HS3ST4: variants seen among roughly 807,000 people sequenced by gnomAD.
HS3ST4 encodes the protein heparan sulfate-glucosamine 3-sulfotransferase 4, also known as heparan sulfate glucosamine 3-O-sulfotransferase 4.
HS3ST4 carries 17 observed loss-of-function variants against 29.2 expected under a neutral mutation model. The ratio of observed to expected loss-of-function variants is 0.58; its 90% confidence interval spans 0.40 to 0.87. The LOEUF is 0.87. Among genes scored for constraint, HS3ST4 ranks in the 40% least tolerant of loss-of-function variants. HS3ST4 has a pLI of 0.00. For synonymous variants in HS3ST4, 314 were observed against 285.7 expected, an observed-to-expected ratio of 1.10 and a Z score of -1.00; for missense variants, 627 against 634.5, an observed-to-expected ratio of 0.99 and a Z score of 0.13.
At chr16:25,942,123 G>A (rs138392741) in intron 1 of HS3ST4, among the ~76,000 whole-genome samples, 2 of 152,272 alleles carry the variant, frequency 1.3e-5, no homozygotes, top group Non-Finnish European at 2.9e-5. Flanking sequence ...GGGTCTGTTG[G>A]CAGCAAGACA....
chr16:26,074,663 A>T (rs894911943), intron 1 of HS3ST4, among the ~76,000 whole-genome samples: 2 of 150,080 alleles, frequency 1.3e-5, no homozygotes, highest in Admixed American at 6.7e-5. Flanking sequence ...GAATATACAC[A>T]TTTTTTTTTT....
chr16:26,005,973 A>T (rs998201701), intron 1 of HS3ST4, among the ~76,000 whole-genome samples: 1 of 152,120 alleles, frequency 6.6e-6, no homozygotes, highest in Admixed American at 6.6e-5. Context: ...TTTAGAGGAA[A>T]ATCACAACTG....
intron 1 of HS3ST4, among the ~76,000 whole-genome samples, chr16:25,989,460 G>A (rs1428664219): frequency 6.6e-6 from 1 of 152,198 alleles, no homozygotes; most frequent in Non-Finnish European, 1.5e-5. Flanking sequence ...GGAAAGGTCC[G>A]ATGGATTTCC....
intron 1 of HS3ST4, among the ~76,000 whole-genome samples, chr16:25,821,298 C>A (rs1051583508): frequency 1.3e-5 from 2 of 152,034 alleles, no homozygotes; most frequent in African/African-American, 4.8e-5. Flanking sequence ...ACCTCGTGAT[C>A]CACCTGCTTT....
intron 1 of HS3ST4, among the ~76,000 whole-genome samples, chr16:26,105,926 T>G (rs1899049846): frequency 6.6e-6 from 1 of 152,228 alleles, no homozygotes; most frequent in Non-Finnish European, 1.5e-5. Context: ...TTAGATGTTT[T>G]CTACTAGGAC....
At chr16:25,790,391 A>G (rs926911138) in intron 1 of HS3ST4, among the ~76,000 whole-genome samples, 4 of 152,232 alleles carry the variant, frequency 2.6e-5, no homozygotes, top group Non-Finnish European at 5.9e-5. Flanking sequence ...CCCGGGCAAC[A>G]GAGTGAGACG....
intron 1 of HS3ST4, among the ~76,000 whole-genome samples, chr16:25,976,262 A>G (rs78237675): frequency 0.13 from 19,282 of 152,044 alleles, 1,466 homozygotes; most frequent in East Asian, 0.26. Flanking sequence ...TCATTCATGG[A>G]TTGTTGGTTG....
intron 1 of HS3ST4, among the ~76,000 whole-genome samples, chr16:26,075,677 G>T (rs1898653700): frequency 6.6e-6 from 1 of 152,134 alleles, no homozygotes; most frequent in Admixed American, 6.5e-5. Context: ...TTTCTCAGCT[G>T]GCTGGGGTAT....
chr16:25,755,573 G>A (rs904960626), intron 1 of HS3ST4, among the ~76,000 whole-genome samples: 1 of 152,180 alleles, frequency 6.6e-6, no homozygotes. Context: ...GGAAGTAAGA[G>A]GCTGTAGCCT....
chr16:25,740,853 A>T (rs1334287988), intron 1 of HS3ST4, among the ~76,000 whole-genome samples: 3 of 152,174 alleles, frequency 2.0e-5, no homozygotes, highest in Non-Finnish European at 4.4e-5. Flanking sequence ...TACTAAGTGG[A>T]TGGAGTTCCC....
intron 1 of HS3ST4, among the ~76,000 whole-genome samples, chr16:25,796,450 C>A (rs1216513081): frequency 1.3e-5 from 2 of 152,288 alleles, no homozygotes; most frequent in East Asian, 3.9e-4. Flanking sequence ...TTAGAAGAAA[C>A]CGCATGCTCA....
chr16:26,063,607 G>T lies in HS3ST4; in HGVS notation c.735-72005G>T, dbSNP rs540887725. Among the ~76,000 whole-genome samples the T allele has an allele frequency of 2.0e-5, 3 of 152,202 alleles. No individual in the cohort carries two copies. In the East Asian group the frequency reaches 5.8e-4, roughly 29 times the overall value. On this transcript the variant is annotated intron_variant, in intron 1 of 1. Coordinates refer to ENST00000331351, the MANE Select transcript of HS3ST4 (RefSeq NM_006040.3). ...AGCTACTTGGGAGGTTCAGTGGGAG[G>T]AGTGCTTGAGCCTAGGAGTTTGAGG...
At chr16:26,041,781 C>A (rs368773180) in intron 1 of HS3ST4, among the ~76,000 whole-genome samples, 1 of 152,170 alleles carries the variant, frequency 6.6e-6, no homozygotes, top group South Asian at 2.1e-4. Flanking sequence ...GCCAATAGCA[C>A]CCAAGAGTTT....
At chr16:25,821,248 G>A (rs562044568) in intron 1 of HS3ST4, among the ~76,000 whole-genome samples, 3 of 151,864 alleles carry the variant, frequency 2.0e-5, no homozygotes, top group African/African-American at 4.8e-5. Context: ...TAGTAGAGAC[G>A]GGGTTTCACT....
intron 1 of HS3ST4, among the ~76,000 whole-genome samples, chr16:26,022,680 C>CTTT (rs34741128): frequency 7.0e-5 from 10 of 142,712 alleles, no homozygotes; most frequent in Admixed American, 2.8e-4. Context: ...AATTTTCTTC[C>CTTT]TTTTTTTTTT....
At chr16:26,031,101 A>G (rs1969526456) in intron 1 of HS3ST4, among the ~76,000 whole-genome samples, 1 of 152,234 alleles carries the variant, frequency 6.6e-6, no homozygotes. Flanking sequence ...GGGTAAAACC[A>G]TGGCTATGGA....
chr16:26,016,923 G>A (rs887893046), intron 1 of HS3ST4, among the ~76,000 whole-genome samples: 1 of 152,136 alleles, frequency 6.6e-6, no homozygotes, highest in Non-Finnish European at 1.5e-5. Context: ...AGAGGCTGCA[G>A]GCAAGAGAAA....
At chr16:26,119,369 G>A (rs1899241731) in intron 1 of HS3ST4, among the ~76,000 whole-genome samples, 1 of 152,224 alleles carries the variant, frequency 6.6e-6, no homozygotes, top group Non-Finnish European at 1.5e-5. Context: ...GCGATGGGAA[G>A]AAGAAGTTAA....
intron 1 of HS3ST4, among the ~76,000 whole-genome samples, chr16:25,710,736 TA>T (rs1966409527): frequency 6.6e-6 from 1 of 151,372 alleles, no homozygotes; most frequent in Non-Finnish European, 1.5e-5. Flanking sequence ...AGGCAAAATT[TA>T]AAAGCAGATT....
Sources: gnomAD v4.1 joint callset for allele counts (sites outside exome capture counted in the v4.1 genomes callset) on GRCh38, gnomAD v4.1.1 for gene constraint, MANE v1.5 for transcripts, NCBI Gene and HGNC (gene_info 2026-07-23, HGNC 2026-07-21) for gene names.